TMEM132B: variants seen among roughly 807,000 people sequenced by gnomAD.
TMEM132B encodes the protein transmembrane protein 132B.
In TMEM132B, 18 loss-of-function variants were observed where a neutral mutation model predicts 90.8. That is an observed-to-expected ratio of 0.20 (90% CI 0.14 to 0.29). The LOEUF is 0.29. Among genes scored for constraint, TMEM132B ranks in the 10% least tolerant of loss-of-function variants. The probability of loss-of-function intolerance (pLI) is 1.00; values close to 1 mark genes in which losing one functional copy is unlikely to be tolerated. For synonymous variants in TMEM132B, 504 were observed against 523.3 expected, an observed-to-expected ratio of 0.96 and a Z score of 0.50; for missense variants, 1,096 against 1,326.8, an observed-to-expected ratio of 0.83 and a Z score of 2.70.
chr12:125,339,505 C>T (rs435956), intron 1 of TMEM132B, among the ~76,000 whole-genome samples: 17 of 152,132 alleles, frequency 1.1e-4, no homozygotes, highest in African/African-American at 4.1e-4. Flanking sequence ...TAAATTCTGA[C>T]GATGGAACAC....
At chr12:125,309,933 G>A (rs1447566987) in intron 1 of TMEM132B, among the ~76,000 whole-genome samples, 3 of 152,172 alleles carry the variant, frequency 2.0e-5, no homozygotes, top group African/African-American at 7.2e-5. Flanking sequence ...TCACTCGAAT[G>A]TCTGGGGGTT....
At chr12:125,284,822 G>A (rs1038599786) in intron 1 of TMEM132B, among the ~76,000 whole-genome samples, 1 of 152,166 alleles carries the variant, frequency 6.6e-6, no homozygotes, top group East Asian at 1.9e-4. Flanking sequence ...TCAGGTGCAC[G>A]AACCATGTCA....
At chr12:125,215,384 CT>C (rs1873410550) in intron 1 of TMEM132B, among the ~76,000 whole-genome samples, 1 of 152,178 alleles carries the variant, frequency 6.6e-6, no homozygotes, top group Non-Finnish European at 1.5e-5. Context: ...GGGAGAATCT[CT>C]TTTTTCTTGC....
chr12:125,344,046 C>T (rs1877280299), intron 1 of TMEM132B, among the ~76,000 whole-genome samples: 1 of 152,162 alleles, frequency 6.6e-6, no homozygotes, highest in Non-Finnish European at 1.5e-5. Context: ...CTGCTAGGTA[C>T]TGGAGATTGT....
At chr12:125,620,304 A>G (rs1886088078) in intron 5 of TMEM132B, among the ~76,000 whole-genome samples, 1 of 152,218 alleles carries the variant, frequency 6.6e-6, no homozygotes, top group Non-Finnish European at 1.5e-5. Context: ...AATTACAGAT[A>G]TATTCTTGCT....
chr12:125,413,797 T>C (rs1879927976), intron 2 of TMEM132B, among the ~76,000 whole-genome samples: 1 of 152,258 alleles, frequency 6.6e-6, no homozygotes, highest in Non-Finnish European at 1.5e-5. Flanking sequence ...AGTGCTGCTG[T>C]GAACATGAGT....
At chr12:125,423,920 C>A (rs118149341) in intron 3 of TMEM132B, among the ~76,000 whole-genome samples, 5,159 of 152,240 alleles carry the variant, frequency 0.034, 120 homozygotes, top group Middle Eastern at 0.058. Context: ...TGATTATTAT[C>A]AAGCCCTTTA....
intron 3 of TMEM132B, among the ~76,000 whole-genome samples, chr12:125,453,941 C>T (rs1881222041): frequency 6.6e-6 from 1 of 152,152 alleles, no homozygotes; most frequent in African/African-American, 2.4e-5. Flanking sequence ...GTTTGGGCAG[C>T]TTGTCCTAAT....
intron 4 of TMEM132B, among the ~76,000 whole-genome samples, chr12:125,583,225 A>G (rs1885094198): frequency 6.6e-6 from 1 of 152,118 alleles, no homozygotes; most frequent in Non-Finnish European, 1.5e-5. Context: ...GAACCTACAG[A>G]ACTCTGAGGG....
intron 5 of TMEM132B, among the ~76,000 whole-genome samples, chr12:125,596,346 C>G (rs566623179): frequency 6.6e-6 from 1 of 152,296 alleles, no homozygotes; most frequent in South Asian, 2.1e-4. Flanking sequence ...ATGTGTGCTT[C>G]TCTTTTCCAT....
Position 125,659,775 on chromosome 12 carries a change from G to A in TMEM132B, c.*5065G>A, listed in dbSNP as rs1483707942. On this transcript the variant is annotated 3_prime_UTR_variant, in exon 9 of 9. Transcript: ENST00000682704. ...CTCCAGGCCCTTCAGACATCATTCAGGTAACTGGGTGTAAACACAGGAGTT... is the reference window on the plus strand; with the variant it reads ...CTCCAGGCCCTTCAGACATCATTCAAGTAACTGGGTGTAAACACAGGAGTT... 1 of 152,182 alleles carries A rather than the reference G, an allele frequency of 6.6e-6. No individual in the cohort carries two copies. Among genetic ancestry groups the A allele is most frequent in the Non-Finnish European group, 1.5e-5 (1 of 68,044 alleles). The allele number at this position is 152,182 out of a possible 1,614,324, so 9.4% of individuals were successfully genotyped here.
chr12:125,461,686 C>T (rs982107115), intron 3 of TMEM132B, among the ~76,000 whole-genome samples: 1 of 152,212 alleles, frequency 6.6e-6, no homozygotes, highest in Non-Finnish European at 1.5e-5. Context: ...TGGTTGTAAG[C>T]GGCTCTTTCT....
chr12:125,375,647 G>T (rs1484301587), intron 2 of TMEM132B, among the ~76,000 whole-genome samples: 3 of 152,330 alleles, frequency 2.0e-5, no homozygotes, highest in Admixed American at 2.0e-4. Flanking sequence ...TCTCTTTGAG[G>T]TGCACACATC....
rs1877103983 is a variant in TMEM132B, at chr12:125,339,561, G to A, written c.68-9891G>A. On this transcript the variant is annotated intron_variant, in intron 1 of 8. Coordinates refer to ENST00000682704, the MANE Select transcript of TMEM132B (RefSeq NM_001366854.1). ...TCCAATGCCCCCATCCTCAGTAAAA[G>A]GCAGAATGCTTGGTACTTCTCCCCA... Among the ~76,000 whole-genome samples, 3 of 152,292 alleles carry A rather than the reference G, an allele frequency of 2.0e-5. No homozygotes were observed. In the South Asian group the frequency reaches 6.2e-4, roughly 32 times the overall value.
intron 1 of TMEM132B, among the ~76,000 whole-genome samples, chr12:125,223,987 G>T (rs901369341): frequency 1.3e-5 from 2 of 152,126 alleles, no homozygotes; most frequent in African/African-American, 4.8e-5. Flanking sequence ...ATGTTGGCCA[G>T]GCTGGTCTGG....
chr12:125,500,923 G>A (rs758739451), intron 3 of TMEM132B, among the ~76,000 whole-genome samples: 11 of 152,276 alleles, frequency 7.2e-5, no homozygotes, highest in Non-Finnish European at 1.0e-4. Flanking sequence ...AGAGAGAGTC[G>A]TATAGTAATT....
At chr12:125,429,971 A>G (rs1396949653) in intron 3 of TMEM132B, among the ~76,000 whole-genome samples, 1 of 152,108 alleles carries the variant, frequency 6.6e-6, no homozygotes, top group Non-Finnish European at 1.5e-5. Flanking sequence ...TGAAGTATAT[A>G]CAGATGTATT....
At position 125,513,380 on chromosome 12, in the gene TMEM132B, G is replaced by A. The variant is rs116405899; in HGVS notation, c.1107-6059G>A. Among the ~76,000 whole-genome samples the A allele has an allele frequency of 3.4e-3, 511 of 152,292 alleles. 2 individuals carry two copies. Among genetic ancestry groups the A allele is most frequent in the African/African-American group, 0.01 (430 of 41,562 alleles). ...CGTGTGAGAGACAGCGAGAGCGTGC[G>A]TGTGCGAGAGAGTATCAACATTATC... On this transcript the variant is annotated intron_variant, in intron 3 of 8. Transcript: ENST00000682704.
At chr12:125,443,714 A>G (rs1238420779) in intron 3 of TMEM132B, among the ~76,000 whole-genome samples, 5 of 152,282 alleles carry the variant, frequency 3.3e-5, no homozygotes, top group Non-Finnish European at 7.4e-5. Context: ...ATTTATAGCT[A>G]TGGTAGTTAC....
Sources: allele counts gnomAD v4.1 joint callset (sites outside exome capture counted in the v4.1 genomes callset), GRCh38; gene constraint gnomAD v4.1.1; transcripts MANE v1.5; gene names NCBI Gene and HGNC (gene_info 2026-07-23, HGNC 2026-07-21).